Variants in TRIM71 observed in about 807,000 individuals in gnomAD.
The protein encoded by TRIM71 is E3 ubiquitin-protein ligase TRIM71.
TRIM71 carries 9 observed loss-of-function variants against 61.2 expected under a neutral mutation model. The observed-to-expected ratio is 0.15, with a 90% CI of 0.09 to 0.26. The LOEUF (loss-of-function observed/expected upper bound fraction) is 0.26, where lower values mean the gene tolerates loss of function less well. TRIM71 is among the 10% of genes least tolerant of loss of function. The probability of loss-of-function intolerance (pLI) is 1.00; values close to 1 mark genes in which losing one functional copy is unlikely to be tolerated. For missense variants in TRIM71, 998 were observed against 1,238.7 expected, an observed-to-expected ratio of 0.81 and a Z score of 2.92; for synonymous variants, 645 against 553.2, an observed-to-expected ratio of 1.17 and a Z score of -2.33.
At chr3:32,820,138 C>T (rs1306716225) in intron 1 of TRIM71, among the ~76,000 whole-genome samples, 1 of 152,210 alleles carries the variant, frequency 6.6e-6, no homozygotes, top group African/African-American at 2.4e-5. Context: ...TGACTTAGAG[C>T]GTAAGCTGGA....
Position 32,892,115 on chromosome 3 carries a change from C to G in TRIM71, c.*304C>G, listed in dbSNP as rs980584050. 9.9e-6 allele frequency: 3 copies of G among 302,234 alleles called. No individual in the cohort carries two copies. Among genetic ancestry groups the G allele is most frequent in the Non-Finnish European group, 6.1e-6 (1 of 163,920 alleles). 18.7% of individuals were successfully genotyped at this position (302,234 alleles called of 1,614,324 possible). A position where few individuals can be genotyped will look rare whatever the true frequency, so the allele number is the denominator to read the frequency against. On this transcript the variant is annotated 3_prime_UTR_variant, in exon 4 of 4. Transcript: ENST00000383763. ...CTGCAACAGGCCCTCTTCCCCTCCT[C>G]AGTGGAGTTTGCATTTCCCTCTTCC...
intron 2 of TRIM71, among the ~76,000 whole-genome samples, chr3:32,875,834 C>A (rs1009628796): frequency 4.0e-5 from 6 of 151,656 alleles, no homozygotes; most frequent in African/African-American, 1.5e-4. Flanking sequence ...GACTCTGTTT[C>A]AAAAAAAATC....
intron 1 of TRIM71, among the ~76,000 whole-genome samples, chr3:32,834,871 C>T (rs921965680): frequency 9.2e-5 from 14 of 152,082 alleles, no homozygotes; most frequent in Admixed American, 8.5e-4. Flanking sequence ...TCACATTTGG[C>T]GTTTTGAGCA....
chr3:32,831,171 G>T (rs1277965397), intron 1 of TRIM71, among the ~76,000 whole-genome samples: 1 of 152,138 alleles, frequency 6.6e-6, no homozygotes, highest in Admixed American at 6.6e-5. Flanking sequence ...GGATTTTGGA[G>T]ATGAAAGGGG....
intron 1 of TRIM71, among the ~76,000 whole-genome samples, chr3:32,821,875 C>T (rs1010851659): frequency 2.0e-5 from 3 of 151,904 alleles, no homozygotes; most frequent in Non-Finnish European, 4.4e-5. Flanking sequence ...GTGGCCTGGC[C>T]GGCGGCTGCT....
chr3:32,866,032 G>A (rs1696733042), intron 1 of TRIM71, among the ~76,000 whole-genome samples: 2 of 151,832 alleles, frequency 1.3e-5, no homozygotes, highest in South Asian at 4.2e-4. Flanking sequence ...TGCCATGTTG[G>A]CCAGGCTGGT....
intron 1 of TRIM71, among the ~76,000 whole-genome samples, chr3:32,850,054 G>T (rs1696521043): frequency 6.6e-6 from 1 of 152,190 alleles, no homozygotes; most frequent in Non-Finnish European, 1.5e-5. Context: ...CACGCATCTG[G>T]ATGGTTTCAG....
chr3:32,833,195 A>C (rs1160434563), intron 1 of TRIM71, among the ~76,000 whole-genome samples: 1 of 143,898 alleles, frequency 6.9e-6, no homozygotes, highest in Non-Finnish European at 1.5e-5. Context: ...AAAAAAAAAA[A>C]AAAAAAAAAA....
rs200792747 is a variant in TRIM71, at chr3:32,891,642, C to G, written c.2438C>G (p.Ser813Cys). ...GAAGGGCGCATCATTGTGGCGGATTCCAGGAACCATCGGGTACAGATGTTT... is the reference window on the plus strand; with the variant it reads ...GAAGGGCGCATCATTGTGGCGGATTGCAGGAACCATCGGGTACAGATGTTT... Reference protein sequence around the residue: ...DQEGRIIVADSRNHRVQMFES... With the variant: ...DQEGRIIVADCRNHRVQMFES... The change falls in exon 4 of 4, where the codon TCC (serine) becomes TGC (cysteine). Residue 813 changes from serine to cysteine, a missense_variant. Transcript: ENST00000383763. The surrounding 1 kb of genome is among the most constrained non-coding windows in gnomAD (Gnocchi z 8.2). 3 of 1,613,006 alleles carry G rather than the reference C, an allele frequency of 1.9e-6. No homozygotes were observed. Among genetic ancestry groups the G allele is most frequent in the Admixed American group, 3.3e-5 (2 of 59,938 alleles).
intron 1 of TRIM71, among the ~76,000 whole-genome samples, chr3:32,822,668 A>G (rs546533190): frequency 1.3e-5 from 2 of 152,278 alleles, no homozygotes; most frequent in African/African-American, 4.8e-5. Context: ...AATTATATTC[A>G]TGTTCTTGCA....
chr3:32,843,670 C>T (rs1327509505), intron 1 of TRIM71, among the ~76,000 whole-genome samples: 5 of 152,150 alleles, frequency 3.3e-5, no homozygotes, highest in African/African-American at 1.2e-4. Context: ...GCTTAATGCC[C>T]GCCTGCGTGC....
chr3:32,861,986 C>T (rs1165039897), intron 1 of TRIM71, among the ~76,000 whole-genome samples: 1 of 152,204 alleles, frequency 6.6e-6, no homozygotes, highest in African/African-American at 2.4e-5. Context: ...GGATTGGTCA[C>T]TTCCCAATTT....
chr3:32,874,508 G>A (rs747486109), intron 2 of TRIM71, among the ~76,000 whole-genome samples: 5 of 151,742 alleles, frequency 3.3e-5, no homozygotes, highest in Admixed American at 6.6e-5. Flanking sequence ...GATTACAGGC[G>A]TGCACCACTG....
At position 32,890,308 on chromosome 3, in the gene TRIM71, G is replaced by A; in HGVS notation, c.1156-52G>A. 1 of 1,563,952 alleles carries A rather than the reference G, an allele frequency of 6.4e-7. No homozygotes were observed. Among genetic ancestry groups the A allele is most frequent in the Admixed American group, 1.8e-5 (1 of 55,952 alleles). ...AGTTGTGGCTTATGTGGTATTTTCT[G>A]TGCTTGGCTCTAAGCCTCTGTGTCT... is the stretch of plus-strand genomic sequence containing the variant. On this transcript the variant is annotated intron_variant, in intron 3 of 3. Coordinates refer to ENST00000383763, the MANE Select transcript of TRIM71 (RefSeq NM_001039111.3). The surrounding 1 kb of genome is among the most constrained non-coding windows in gnomAD (Gnocchi z 6.2).
In TRIM71 at chr3:32,818,536, C is replaced by T. The variant is rs1034296114; in HGVS notation, c.456C>T (p.His152=). ...GCGGCCACAGCAACCACCGGCACCA[C>T]GCTCACCACGCGCACCCGCGCGCGT... is the stretch of plus-strand genomic sequence containing the variant. The part of the protein sequence containing the change: ...GAGGHSNHRH[H]AHHAHPRASA... Residue 152 remains histidine, a synonymous_variant, in exon 1 of 4, where the codon CAC becomes CAT. Transcript: ENST00000383763. 1 of 1,340,142 alleles carries T rather than the reference C, an allele frequency of 7.5e-7. No individual in the cohort carries two copies. The highest frequency in any genetic ancestry group is 9.5e-7 in the Non-Finnish European group (1 of 1,050,518). 83.0% of individuals were successfully genotyped at this position (1,340,142 alleles called of 1,614,324 possible). A position where few individuals can be genotyped will look rare whatever the true frequency, so the allele number is the denominator to read the frequency against.
chr3:32,853,121 T>TC (rs1491359790), intron 1 of TRIM71, among the ~76,000 whole-genome samples: 8 of 9,734 alleles, frequency 8.2e-4, no homozygotes, highest in African/African-American at 1.6e-3. Flanking sequence ...TCTCTCTCTC[T>TC]TTTTTTTTTT....
At chr3:32,889,559 AATTATTATTATTATTATT>A (rs35065462) in intron 3 of TRIM71, among the ~76,000 whole-genome samples, 21 of 139,596 alleles carry the variant, frequency 1.5e-4, no homozygotes, top group African/African-American at 5.0e-4. Flanking sequence ...GTTTTGTCCC[AATTATTATTATTATTATT>A]ATTATTATTA....
At chr3:32,841,727 A>G (rs1696408139) in intron 1 of TRIM71, among the ~76,000 whole-genome samples, 1 of 152,104 alleles carries the variant, frequency 6.6e-6, no homozygotes, top group Non-Finnish European at 1.5e-5. Flanking sequence ...GAAACGTTCT[A>G]AAGTTTATTG....
Position 32,891,699 on chromosome 3 carries a change from G to C in TRIM71, c.2495G>C (p.Gly832Ala). ...AACGGCAGCTTCCTGTGCAAGTTTG[G>C]TGCTCAAGGCAGCGGCTTTGGGCAG... ...ESNGSFLCKFGAQGSGFGQMD... is the reference protein window; with the variant it reads ...ESNGSFLCKFAAQGSGFGQMD... The change falls in exon 4 of 4, where the codon GGT becomes GCT. Residue 832 changes from glycine (G) to alanine (A), a missense_variant. Gly to Ala is a moderately conservative substitution (Grantham distance 60). This residue lies in a region of TRIM71 where 95 missense variants were observed against 159.0 expected (regional missense o/e 0.60). Coordinates refer to ENST00000383763, the MANE Select transcript of TRIM71 (RefSeq NM_001039111.3). This position sits in a 1 kb window ranked among gnomAD's most constrained non-coding sequence, Gnocchi z 8.2. 1 of 1,614,138 alleles carries C rather than the reference G, an allele frequency of 6.2e-7. No individual in the cohort carries two copies. Among genetic ancestry groups the C allele is most frequent in the South Asian group, 1.1e-5 (1 of 91,082 alleles).
Sources: allele counts gnomAD v4.1 joint callset (sites outside exome capture counted in the v4.1 genomes callset), GRCh38; gene constraint gnomAD v4.1.1; regional missense constraint gnomAD v4.1.1; non-coding constraint Gnocchi (gnomAD v3.1); transcripts MANE v1.5; gene names NCBI Gene and HGNC (gene_info 2026-07-23, HGNC 2026-07-21).